Variants in C8orf34 observed in about 807,000 individuals in gnomAD.
The protein encoded by C8orf34 is uncharacterized protein C8orf34.
In C8orf34, 65 loss-of-function variants were observed where a neutral mutation model predicts 68.3. That is an observed-to-expected ratio of 0.95 (90% CI 0.78 to 1.17). The LOEUF (loss-of-function observed/expected upper bound fraction) is 1.17. Among genes scored for constraint, C8orf34 ranks in the 50% most tolerant of loss-of-function variants. The probability of loss-of-function intolerance (pLI) is 0.00; values close to 1 mark genes in which losing one functional copy is unlikely to be tolerated. For synonymous variants in C8orf34, 244 were observed against 241.2 expected (o/e 1.01, Z -0.11); for missense variants, 664 against 655.4 (o/e 1.01, Z -0.14).
At chr8:68,761,543 A>C (rs907257633) in intron 10 of C8orf34, among the ~76,000 whole-genome samples, 11 of 152,224 alleles carry the variant, frequency 7.2e-5, no homozygotes, top group African/African-American at 2.7e-4. Context: ...AGTTAAACAC[A>C]ATACTCTTTC....
At chr8:68,367,912 G>GAAAAACAAAAAAAAAAAAAAAAAAAAAA (rs1807364645) in intron 1 of C8orf34, among the ~76,000 whole-genome samples, 1 of 79,116 alleles carries the variant, frequency 1.3e-5, no homozygotes, top group African/African-American at 4.5e-5. Flanking sequence ...AAAAAGAAAA[G>GAAAAACAAAAAAAAAAAAAAAAAAAAAA]AAAAAAAAAA....
At chr8:68,632,247 G>C (rs780034945) in intron 7 of C8orf34, among the ~76,000 whole-genome samples, 22 of 152,262 alleles carry the variant, frequency 1.4e-4, no homozygotes, top group Admixed American at 4.6e-4. Flanking sequence ...TTAGCAAAGA[G>C]ACTGGTGGCA....
chr8:68,809,094 C>A (rs1292511725), intron 12 of C8orf34, among the ~76,000 whole-genome samples: 1 of 152,056 alleles, frequency 6.6e-6, no homozygotes, highest in Non-Finnish European at 1.5e-5. Context: ...TCCCGGTGGT[C>A]CCAGACTAGT....
At chr8:68,408,630 G>A (rs1299739373) in intron 1 of C8orf34, among the ~76,000 whole-genome samples, 3 of 152,066 alleles carry the variant, frequency 2.0e-5, no homozygotes, top group Non-Finnish European at 2.9e-5. Context: ...ACATAGTGAC[G>A]TTTCAGTCAT....
chr8:68,339,687 T>A (rs1805992389), intron 1 of C8orf34, among the ~76,000 whole-genome samples: 1 of 152,014 alleles, frequency 6.6e-6, no homozygotes, highest in Non-Finnish European at 1.5e-5. Context: ...TAAAACCTTT[T>A]TTCTTCTCAA....
chr8:68,419,981 TAAAA>T (rs201937815), intron 1 of C8orf34, among the ~76,000 whole-genome samples: 1 of 68,970 alleles, frequency 1.4e-5, no homozygotes, highest in South Asian at 4.3e-4. Context: ...AGTATAATAA[TAAAA>T]AAAAAAAAGA....
intron 7 of C8orf34, among the ~76,000 whole-genome samples, chr8:68,627,800 G>A (rs747204870): frequency 3.9e-5 from 6 of 152,134 alleles, no homozygotes; most frequent in Non-Finnish European, 7.4e-5. Context: ...TGCAATCTAA[G>A]CAAACAAATT....
At chr8:68,584,528 T>A (rs1250145139) in intron 7 of C8orf34, among the ~76,000 whole-genome samples, 1 of 152,262 alleles carries the variant, frequency 6.6e-6, no homozygotes, top group East Asian at 1.9e-4. Context: ...ATACCTTCAA[T>A]GTTGTATCTC....
At chr8:68,478,279 CA>C (rs1563472921) in intron 4 of C8orf34, among the ~76,000 whole-genome samples, 1 of 152,172 alleles carries the variant, frequency 6.6e-6, no homozygotes, top group Non-Finnish European at 1.5e-5. Flanking sequence ...TTTACTAAAG[CA>C]TAGCAAGAGT....
At chr8:68,762,485 G>A (rs1260126113) in intron 10 of C8orf34, among the ~76,000 whole-genome samples, 1 of 152,162 alleles carries the variant, frequency 6.6e-6, no homozygotes, top group African/African-American at 2.4e-5. Flanking sequence ...CACTATACAT[G>A]TTACAAGAAT....
At chr8:68,695,842 TATCC>T (rs1350146579) in intron 8 of C8orf34, 4 of 152,216 alleles carry the variant, frequency 2.6e-5, no homozygotes, top group Middle Eastern at 6.8e-3. Flanking sequence ...ATCTATCATC[TATCC>T]ATCCATTTAT....
intron 7 of C8orf34, chr8:68,534,801 G>T: frequency 2.0e-6 from 2 of 985,364 alleles, no homozygotes; most frequent in South Asian, 4.7e-5. Flanking sequence ...CTCCATGCTG[G>T]TACTCCCTAG....
chr8:68,712,743 TG>T, intron 9 of C8orf34, among the ~76,000 whole-genome samples: 1 of 152,158 alleles, frequency 6.6e-6, no homozygotes, highest in Admixed American at 6.5e-5. Context: ...ACAGTAATAG[TG>T]GGGGACTTTA....
At chr8:68,553,254 A>G (rs57193448) in intron 7 of C8orf34, among the ~76,000 whole-genome samples, 31,845 of 151,530 alleles carry the variant, frequency 0.21, 4,598 homozygotes, top group African/African-American at 0.41. Context: ...GCATGGTGGC[A>G]TGTGCCTGTA....
At chr8:68,570,623 C>T (rs868404637) in intron 7 of C8orf34, among the ~76,000 whole-genome samples, 6 of 152,224 alleles carry the variant, frequency 3.9e-5, no homozygotes, top group South Asian at 2.1e-4. Context: ...ACATTGGTTC[C>T]GATATTTCCC....
At chr8:68,510,774 TC>T (rs1401543584) in intron 5 of C8orf34, among the ~76,000 whole-genome samples, 2 of 152,030 alleles carry the variant, frequency 1.3e-5, no homozygotes, top group African/African-American at 4.8e-5. Flanking sequence ...GGAACTCTGT[TC>T]CCCCCAAGGA....
chr8:68,525,560 C>G (rs1471869578), intron 6 of C8orf34: 2 of 913,196 alleles, frequency 2.2e-6, no homozygotes, highest in Non-Finnish European at 3.5e-6. Flanking sequence ...GTGTCTTCGT[C>G]TTACTTCTTT....
rs1314070361 is a variant in C8orf34 at position 68,331,145 on chromosome 8, G to A, written c.133G>A (p.Ala45Thr). The change falls in exon 1 of 14, where the codon GCA (alanine) becomes ACA (threonine). Residue 45 changes from alanine (A) to threonine (T), a missense_variant. By Grantham distance (58) the Ala-to-Thr change is moderately conservative. Coordinates refer to ENST00000518698, the MANE Select transcript of C8orf34 (RefSeq NM_052958.4). ...HARGRGRASH[A>T]GQPRLRSSCP... ...CCGCGGCCGGGGCCGAGCCAGCCAC[G>A]CAGGGCAGCCGAGGCTCCGGAGCTC... is the stretch of plus-strand genomic sequence containing the variant. The A allele has an allele frequency of 1.3e-6, 2 of 1,525,944 alleles. No homozygotes were observed. The highest frequency in any genetic ancestry group is 1.8e-6 in the Non-Finnish European group (2 of 1,140,688). 94.5% of individuals were successfully genotyped at this position (1,525,944 alleles called of 1,614,324 possible).
intron 10 of C8orf34, among the ~76,000 whole-genome samples, chr8:68,766,069 GTCCAT>G (rs1823164091): frequency 6.6e-6 from 1 of 152,158 alleles, no homozygotes; most frequent in Non-Finnish European, 1.5e-5. Flanking sequence ...AATTACTTGT[GTCCAT>G]GCATCAGTTA....
Sources: allele counts gnomAD v4.1 joint callset (sites outside exome capture counted in the v4.1 genomes callset), GRCh38; gene constraint gnomAD v4.1.1; transcripts MANE v1.5; gene names NCBI Gene and HGNC (gene_info 2026-07-23, HGNC 2026-07-21).